TMC1: variants seen among roughly 807,000 people sequenced by gnomAD.
TMC1 encodes the protein transmembrane channel-like protein 1.
Under a neutral mutation model 105.8 loss-of-function variants are expected in TMC1, and 84 were observed. The ratio of observed to expected loss-of-function variants is 0.79; its 90% CI spans 0.67 to 0.95. The LOEUF (loss-of-function observed/expected upper bound fraction) is 0.95. Among genes scored for constraint, TMC1 ranks in the 40% least tolerant of loss-of-function variants. TMC1 has a pLI of 0.00. For synonymous variants in TMC1, 315 were observed against 311.5 expected (o/e 1.01, Z -0.12); for missense variants, 817 against 914.1 (o/e 0.89, Z 1.37).
At chr9:72,684,583 T>A (rs932279246) in intron 5 of TMC1, among the ~76,000 whole-genome samples, 4 of 152,218 alleles carry the variant, frequency 2.6e-5, no homozygotes, top group African/African-American at 9.6e-5. Flanking sequence ...AAATACAATG[T>A]TTTTGCTGAT....
intron 13 of TMC1, among the ~76,000 whole-genome samples, chr9:72,776,238 A>G (rs1828003339): frequency 6.6e-6 from 1 of 151,842 alleles, no homozygotes; most frequent in Non-Finnish European, 1.5e-5. Flanking sequence ...ACTATAATAT[A>G]GATTATATAT....
chr9:72,715,827 G>A (rs1328892014), intron 8 of TMC1, among the ~76,000 whole-genome samples: 1 of 152,116 alleles, frequency 6.6e-6, no homozygotes, highest in African/African-American at 2.4e-5. Flanking sequence ...TGATCCTTTG[G>A]AGGAGAAGAG....
intron 11 of TMC1, among the ~76,000 whole-genome samples, chr9:72,752,447 A>AACACACACACACACACACAC (rs10640023): frequency 7.4e-5 from 11 of 149,210 alleles, no homozygotes; most frequent in African/African-American, 2.5e-4. Flanking sequence ...TAATGCCCAC[A>AACACACACACACACACACAC]ACACACACAC....
In TMC1 at chr9:72,618,528, T is replaced by G. The variant is rs2132125410; in HGVS notation, c.-196+2051T>G. 1.3e-5 allele frequency among the ~76,000 whole-genome samples: 2 copies of G among 152,136 alleles called. 1 individual carries two copies. Among genetic ancestry groups the G allele is most frequent in the South Asian group, 4.1e-4 (2 of 4,830 alleles). On this transcript the variant is annotated intron_variant, in intron 3 of 23. Coordinates refer to ENST00000297784, the MANE Select transcript of TMC1 (RefSeq NM_138691.3). ...TAACACATACTGATGTGACTGTGCATCCCTATCGAGATAGAAATAAAGGTA... is the reference window on the plus strand; with the variant it reads ...TAACACATACTGATGTGACTGTGCAGCCCTATCGAGATAGAAATAAAGGTA...
At chr9:72,824,635 T>A (rs1828924596) in intron 20 of TMC1, among the ~76,000 whole-genome samples, 1 of 152,182 alleles carries the variant, frequency 6.6e-6, no homozygotes, top group Non-Finnish European at 1.5e-5. Flanking sequence ...TCTGTGGTCT[T>A]TATAGGCACA....
At chr9:72,731,797 C>T (rs1457145206) in intron 8 of TMC1, among the ~76,000 whole-genome samples, 1 of 152,180 alleles carries the variant, frequency 6.6e-6, no homozygotes, top group Non-Finnish European at 1.5e-5. Context: ...TATCATTCCC[C>T]TGCACCAGAA....
intron 7 of TMC1, among the ~76,000 whole-genome samples, chr9:72,696,694 C>T (rs1826556858): frequency 6.6e-6 from 1 of 152,114 alleles, no homozygotes; most frequent in East Asian, 1.9e-4. Context: ...GTTAAAAAAA[C>T]ACTGCCTTGT....
chr9:72,569,397 T>G (rs1204141832), intron 1 of TMC1, among the ~76,000 whole-genome samples: 4 of 152,126 alleles, frequency 2.6e-5, no homozygotes, highest in Non-Finnish European at 4.4e-5. Flanking sequence ...ACCAACAGCT[T>G]CTATTTGGTA....
At chr9:72,693,300 TTAAC>T (rs755340634) in intron 6 of TMC1, among the ~76,000 whole-genome samples, 89 of 152,186 alleles carry the variant, frequency 5.8e-4, no homozygotes, top group Non-Finnish European at 9.9e-4. Flanking sequence ...AAGAACATAT[TTAAC>T]TAATAAAACA....
chr9:72,555,217 CAG>C (rs1823910728), intron 1 of TMC1, among the ~76,000 whole-genome samples: 1 of 128,204 alleles, frequency 7.8e-6, no homozygotes, highest in African/African-American at 3.0e-5. Context: ...TTTTTTGAGA[CAG>C]AGTTTTGCTC....
chr9:72,527,887 A>G (rs1823432327), intron 1 of TMC1, among the ~76,000 whole-genome samples: 1 of 152,070 alleles, frequency 6.6e-6, no homozygotes, highest in African/African-American at 2.4e-5. Context: ...CCACATCTCC[A>G]TTTAGTTCTT....
chr9:72,571,455 T>TC (rs1824283564), intron 1 of TMC1, among the ~76,000 whole-genome samples: 1 of 138,590 alleles, frequency 7.2e-6, no homozygotes, highest in Non-Finnish European at 1.6e-5. Flanking sequence ...TTTTTTTTTT[T>TC]CTTTTTTTTT....
chr9:72,724,519 G>A (rs1434932212), intron 8 of TMC1, among the ~76,000 whole-genome samples: 1 of 151,898 alleles, frequency 6.6e-6, no homozygotes, highest in African/African-American at 2.4e-5. Flanking sequence ...AGGAGACATA[G>A]TCAAACCATA....
chr9:72,629,778 T>C (rs1435707842), intron 4 of TMC1, among the ~76,000 whole-genome samples: 1 of 152,220 alleles, frequency 6.6e-6, no homozygotes, highest in Non-Finnish European at 1.5e-5. Context: ...ATGATAACTT[T>C]AGAAATTCTA....
At chr9:72,662,475 G>A (rs1825983143) in intron 5 of TMC1, among the ~76,000 whole-genome samples, 2 of 151,924 alleles carry the variant, frequency 1.3e-5, no homozygotes, top group South Asian at 2.1e-4. Context: ...GGCATTACAG[G>A]TGTGAGCCAC....
intron 5 of TMC1, among the ~76,000 whole-genome samples, chr9:72,679,596 G>A (rs1826256244): frequency 1.3e-5 from 2 of 152,012 alleles, no homozygotes; most frequent in African/African-American, 4.8e-5. Context: ...CAGATTTGGT[G>A]TCTGGTGAGA....
chr9:72,549,635 A>G (rs1823827949), intron 1 of TMC1, among the ~76,000 whole-genome samples: 1 of 134,308 alleles, frequency 7.4e-6, no homozygotes, highest in African/African-American at 2.9e-5. Flanking sequence ...TTTTGAGACG[A>G]AGTCTCACTC....
chr9:72,593,266 T>G (rs1304872373), intron 2 of TMC1, among the ~76,000 whole-genome samples: 2 of 152,084 alleles, frequency 1.3e-5, no homozygotes, highest in African/African-American at 4.8e-5. Flanking sequence ...TGGCGGAGTG[T>G]GGTGGCTCAT....
At chr9:72,747,393 A>G (rs537849147) in intron 10 of TMC1, among the ~76,000 whole-genome samples, 2 of 152,232 alleles carry the variant, frequency 1.3e-5, no homozygotes, top group East Asian at 3.9e-4. Flanking sequence ...TTGTCTTATT[A>G]CCCATCTATT....
Sources: gnomAD v4.1 joint callset for allele counts (sites outside exome capture counted in the v4.1 genomes callset) on GRCh38, gnomAD v4.1.1 for gene constraint, MANE v1.5 for transcripts, NCBI Gene and HGNC (gene_info 2026-07-23, HGNC 2026-07-21) for gene names.